PIBF1: variants seen among roughly 807,000 people sequenced by gnomAD.
PIBF1 encodes progesterone immunomodulatory binding factor 1.
In PIBF1, 90 loss-of-function variants were observed where a neutral mutation model predicts 112.5. That is an observed-to-expected ratio of 0.80 (90% CI 0.67 to 0.95). The LOEUF is 0.95. Ranked by LOEUF, PIBF1 falls within the 40% of genes least tolerant of loss-of-function variation. PIBF1 has a pLI of 0.00. For synonymous variants in PIBF1, 301 were observed against 288.6 expected, an observed-to-expected ratio of 1.04 and a Z score of -0.44; for missense variants, 915 against 852.3, an observed-to-expected ratio of 1.07 and a Z score of -0.92.
chr13:72,983,458 C>T (rs937176722), intron 16 of PIBF1, among the ~76,000 whole-genome samples: 7 of 152,260 alleles, frequency 4.6e-5, no homozygotes, highest in Middle Eastern at 3.4e-3. Context: ...ATGTACAAGG[C>T]CCCACACTTA....
At chr13:72,823,829 A>T (rs947790012) in intron 6 of PIBF1, among the ~76,000 whole-genome samples, 1 of 152,014 alleles carries the variant, frequency 6.6e-6, no homozygotes, top group Non-Finnish European at 1.5e-5. Context: ...TGGTTTTGTA[A>T]TTTCATTGCC....
chr13:72,786,108 T>C (rs1004643770), intron 2 of PIBF1, among the ~76,000 whole-genome samples: 3 of 152,244 alleles, frequency 2.0e-5, no homozygotes, highest in Non-Finnish European at 4.4e-5. Flanking sequence ...TCAATGTATG[T>C]AAGCTCATAG....
Position 72,954,975 on chromosome 13 carries a change from C to A in PIBF1, c.1834-10299C>A, listed in dbSNP as rs117301331. Among the ~76,000 whole-genome samples the A allele has an allele frequency of 2.9e-3, 445 of 152,318 alleles. 2 individuals carry two copies. The highest frequency in any genetic ancestry group is 0.017 in the Middle Eastern group (5 of 294). On this transcript the variant is annotated intron_variant, in intron 14 of 17. Transcript: ENST00000326291. ...AGCCACAGAGGCTGTGGCAGAGCCA[C>A]CTGGATCCTCTAGGATTGGAGGAAA...
At chr13:72,944,993 T>G (rs2138831408) in intron 14 of PIBF1, among the ~76,000 whole-genome samples, 1 of 152,260 alleles carries the variant, frequency 6.6e-6, no homozygotes, top group Non-Finnish European at 1.5e-5. Context: ...ATTGCTACTG[T>G]CACCCAGGTA....
intron 16 of PIBF1, among the ~76,000 whole-genome samples, chr13:72,988,865 T>C (rs1026691759): frequency 1.7e-4 from 26 of 151,966 alleles, no homozygotes; most frequent in Non-Finnish European, 2.9e-4. Context: ...GGTGAAACCC[T>C]GTCTCTACTA....
At chr13:72,950,006 G>C (rs2042254947) in intron 14 of PIBF1, among the ~76,000 whole-genome samples, 1 of 152,160 alleles carries the variant, frequency 6.6e-6, no homozygotes, top group Admixed American at 6.5e-5. Flanking sequence ...TCCTAGACGT[G>C]TTTGTCTACT....
chr13:72,851,727 C>G (rs948031064), intron 9 of PIBF1, among the ~76,000 whole-genome samples: 2 of 152,206 alleles, frequency 1.3e-5, no homozygotes, highest in Non-Finnish European at 2.9e-5. Context: ...CTTTTTTCCT[C>G]TGGCCCACCC....
At chr13:72,808,101 TACAA>T (rs1349285452) in intron 5 of PIBF1, among the ~76,000 whole-genome samples, 6 of 152,216 alleles carry the variant, frequency 3.9e-5, no homozygotes, top group Admixed American at 2.0e-4. Context: ...TCAGAGACTT[TACAA>T]ACAAAGCTCT....
chr13:72,995,035 C>G (rs1263392507), intron 16 of PIBF1, among the ~76,000 whole-genome samples: 2 of 152,102 alleles, frequency 1.3e-5, no homozygotes, highest in Admixed American at 1.3e-4. Flanking sequence ...GGTGCGGTGG[C>G]TCACACCTGT....
intron 14 of PIBF1, among the ~76,000 whole-genome samples, chr13:72,957,748 G>C (rs2042487626): frequency 6.6e-6 from 1 of 151,990 alleles, no homozygotes; most frequent in African/African-American, 2.4e-5. Flanking sequence ...AGAGCAGCCT[G>C]GGCAATATAG....
At chr13:72,957,171 C>T (rs1048318209) in intron 14 of PIBF1, among the ~76,000 whole-genome samples, 1 of 151,950 alleles carries the variant, frequency 6.6e-6, no homozygotes, top group Non-Finnish European at 1.5e-5. Context: ...GGTATCTGCC[C>T]AGAGAAAAAG....
chr13:72,940,539 T>G (rs1299473346), intron 14 of PIBF1, among the ~76,000 whole-genome samples: 1 of 152,228 alleles, frequency 6.6e-6, no homozygotes, highest in Non-Finnish European at 1.5e-5. Context: ...GTTCAGCTTC[T>G]TTGCATATGT....
intron 2 of PIBF1, among the ~76,000 whole-genome samples, chr13:72,784,402 T>C (rs926750438): frequency 1.3e-5 from 2 of 151,714 alleles, no homozygotes; most frequent in African/African-American, 2.4e-5. Context: ...GCCACAATCG[T>C]GCCACTGCAC....
At chr13:72,825,641 T>C (rs759924277) in intron 6 of PIBF1, among the ~76,000 whole-genome samples, 2 of 152,218 alleles carry the variant, frequency 1.3e-5, no homozygotes, top group African/African-American at 2.4e-5. Flanking sequence ...TCTCCACATA[T>C]ACCGTTAAGA....
chr13:72,849,329 G>C (rs1410527791), intron 9 of PIBF1, among the ~76,000 whole-genome samples: 2 of 152,136 alleles, frequency 1.3e-5, no homozygotes, highest in Non-Finnish European at 2.9e-5. Flanking sequence ...GCTTGGTTTG[G>C]ACTTCTAAAA....
At chr13:72,946,853 A>G (rs976349987) in intron 14 of PIBF1, among the ~76,000 whole-genome samples, 4 of 152,182 alleles carry the variant, frequency 2.6e-5, no homozygotes, top group Non-Finnish European at 4.4e-5. Flanking sequence ...GTGGCTTTGC[A>G]TGGTTCAGCC....
intron 11 of PIBF1, among the ~76,000 whole-genome samples, chr13:72,899,789 C>G (rs988223205): frequency 6.6e-6 from 1 of 152,084 alleles, no homozygotes; most frequent in Non-Finnish European, 1.5e-5. Flanking sequence ...AAAGGGCATC[C>G]AAATCAGTAA....
chr13:72,983,555 G>T (rs1247288171), intron 16 of PIBF1, among the ~76,000 whole-genome samples: 2 of 152,082 alleles, frequency 1.3e-5, no homozygotes, highest in African/African-American at 4.8e-5. Flanking sequence ...AACAAACCCT[G>T]CAGTTAGCCA....
intron 2 of PIBF1, among the ~76,000 whole-genome samples, chr13:72,789,226 C>T (rs1005217155): frequency 4.6e-5 from 7 of 152,100 alleles, no homozygotes; most frequent in Admixed American, 2.6e-4. Context: ...ACTCTCTTGC[C>T]CAGGCTGGAG....
Sources: allele counts gnomAD v4.1 joint callset (sites outside exome capture counted in the v4.1 genomes callset), GRCh38; gene constraint gnomAD v4.1.1; transcripts MANE v1.5; gene names NCBI Gene and HGNC (gene_info 2026-07-23, HGNC 2026-07-21).